The following ADGRB3 variants were observed in gnomAD, a reference collection of about 807,000 sequenced individuals.
The protein encoded by ADGRB3 is brain-specific angiogenesis inhibitor 3.
Under a neutral mutation model 193.4 loss-of-function variants are expected in ADGRB3, and 37 were observed. The ratio of observed to expected loss-of-function variants is 0.19; its 90% CI spans 0.15 to 0.25. The LOEUF (loss-of-function observed/expected upper bound fraction) is 0.25, where lower values mean the gene tolerates loss of function less well. ADGRB3 is among the 10% of genes least tolerant of loss of function. ADGRB3 has a pLI of 1.00. For synonymous variants in ADGRB3, 690 were observed against 644.2 expected (o/e 1.07, Z -1.08); for missense variants, 1,637 against 1,852.9 (o/e 0.88, Z 2.14).
chr6:69,300,150 C>T (rs1767918970), intron 20 of ADGRB3, among the ~76,000 whole-genome samples: 1 of 151,750 alleles, frequency 6.6e-6, no homozygotes, highest in South Asian at 2.1e-4. Context: ...TCCAGGGATA[C>T]AAAGATGGTT....
intron 16 of ADGRB3, among the ~76,000 whole-genome samples, chr6:69,069,366 G>A (rs774449971): frequency 6.6e-6 from 1 of 151,506 alleles, no homozygotes; most frequent in Non-Finnish European, 1.5e-5. Context: ...GGACTGTGAT[G>A]GATTTGACTG....
chr6:69,062,961 C>A lies in ADGRB3; in HGVS notation c.2361C>A (p.Ile787=). 1 of 1,611,624 alleles carries A rather than the reference C, an allele frequency of 6.2e-7. No individual in the cohort carries two copies. The highest frequency in any genetic ancestry group is 8.5e-7 in the Non-Finnish European group (1 of 1,178,406). The change falls in exon 16 of 32, where the codon ATC becomes ATA. Residue 787 remains isoleucine, a synonymous_variant. Coordinates refer to ENST00000370598, the MANE Select transcript of ADGRB3 (RefSeq NM_001704.3). ...ATTATACTGTCATTAATTCCAAAAT[C>A]ATCGTGGTCACAATAAGGCCTGAAC... ...LRNYTVINSK[I]IVVTIRPEPK... is the part of the protein sequence containing the mutation.
At chr6:69,262,900 C>T (rs1490284957) in intron 20 of ADGRB3, among the ~76,000 whole-genome samples, 1 of 151,764 alleles carries the variant, frequency 6.6e-6, no homozygotes, top group Non-Finnish European at 1.5e-5. Flanking sequence ...AAAACATATT[C>T]CCGTCCCATA....
At chr6:68,788,746 C>T (rs1337066367) in intron 3 of ADGRB3, among the ~76,000 whole-genome samples, 1 of 151,918 alleles carries the variant, frequency 6.6e-6, no homozygotes, top group Non-Finnish European at 1.5e-5. Flanking sequence ...CTAACGTTGA[C>T]AATGGGGTGT....
chr6:69,083,191 AT>A (rs1772438136), intron 17 of ADGRB3, among the ~76,000 whole-genome samples: 1 of 152,226 alleles, frequency 6.6e-6, no homozygotes, highest in African/African-American at 2.4e-5. Flanking sequence ...ATCTCACAGC[AT>A]GCCTGTAGAG....
Position 69,016,456 on chromosome 6 carries a change from A to G in ADGRB3, c.1999-1935A>G, listed in dbSNP as rs559067841. On this transcript the variant is annotated intron_variant, in intron 12 of 31. Coordinates refer to ENST00000370598, the MANE Select transcript of ADGRB3 (RefSeq NM_001704.3). ...TAACTAGTTCTGAAGAGAACTTAAG[A>G]GCACCCTTTGTCACGCATAATTCAT... 5.3e-5 allele frequency among the ~76,000 whole-genome samples: 8 copies of G among 152,062 alleles called. No homozygotes were observed. In the South Asian group the frequency reaches 1.4e-3, roughly 28 times the overall value.
At chr6:69,196,667 TC>T (rs1314059992) in intron 17 of ADGRB3, among the ~76,000 whole-genome samples, 2 of 152,094 alleles carry the variant, frequency 1.3e-5, no homozygotes, top group African/African-American at 4.8e-5. Context: ...AAATCTTATC[TC>T]CAAAATACAG....
At chr6:68,845,189 T>C (rs1331331895) in intron 3 of ADGRB3, among the ~76,000 whole-genome samples, 1 of 152,208 alleles carries the variant, frequency 6.6e-6, no homozygotes, top group Non-Finnish European at 1.5e-5. Flanking sequence ...TATTATACAC[T>C]GTATGCCTGT....
chr6:69,157,425 G>A (rs1774873012), intron 17 of ADGRB3, among the ~76,000 whole-genome samples: 1 of 152,080 alleles, frequency 6.6e-6, no homozygotes, highest in South Asian at 2.1e-4. Context: ...TTACTTGATG[G>A]TGATATTTCC....
At chr6:69,031,015 C>CTTT (rs55776177) in intron 13 of ADGRB3, among the ~76,000 whole-genome samples, 1 of 76,664 alleles carries the variant, frequency 1.3e-5, no homozygotes, top group African/African-American at 6.1e-5. Context: ...CTTTTCTTTT[C>CTTT]TTTTTTTTTT....
chr6:69,074,537 C>CTTTT (rs956596624), intron 16 of ADGRB3, among the ~76,000 whole-genome samples: 1 of 115,886 alleles, frequency 8.6e-6, no homozygotes, highest in Non-Finnish European at 1.8e-5. Context: ...CAGGACTGTA[C>CTTTT]TTTTTTTTTT....
intron 3 of ADGRB3, among the ~76,000 whole-genome samples, chr6:68,785,137 G>C (rs1024184606): frequency 2.6e-5 from 4 of 151,786 alleles, no homozygotes; most frequent in Non-Finnish European, 5.9e-5. Context: ...ATGTATGACT[G>C]ATTTTACTTT....
chr6:69,239,787 G>A (rs1481318478), intron 20 of ADGRB3, among the ~76,000 whole-genome samples: 1 of 151,952 alleles, frequency 6.6e-6, no homozygotes, highest in Non-Finnish European at 1.5e-5. Context: ...ATGGAAAAGT[G>A]TATTTTCTGT....
chr6:68,897,761 A>G (rs375669903), intron 3 of ADGRB3, among the ~76,000 whole-genome samples: 4 of 127,880 alleles, frequency 3.1e-5, no homozygotes, highest in Admixed American at 8.8e-5. Flanking sequence ...GAGGGAGGAA[A>G]AGGGAGGGAG....
intron 30 of ADGRB3, among the ~76,000 whole-genome samples, 187 bp from the exon 31 acceptor site, chr6:69,382,644 T>G (rs1204942129): frequency 6.6e-6 from 1 of 151,930 alleles, no homozygotes; most frequent in East Asian, 1.9e-4. Context: ...CAATTCTTAA[T>G]GTGTAAGAAG....
chr6:69,199,313 T>C (rs944834365), intron 17 of ADGRB3, among the ~76,000 whole-genome samples: 13 of 152,244 alleles, frequency 8.5e-5, no homozygotes, highest in African/African-American at 3.1e-4. Context: ...GCAGACTCTA[T>C]AAGCAGACTG....
chr6:69,198,483 A>G (rs181289570), intron 17 of ADGRB3, among the ~76,000 whole-genome samples: 1 of 152,218 alleles, frequency 6.6e-6, no homozygotes, highest in African/African-American at 2.4e-5. Context: ...TGTTTTGGAT[A>G]AGGTGATGGG....
chr6:69,142,602 A>C (rs1391854304), intron 17 of ADGRB3, among the ~76,000 whole-genome samples: 1 of 152,192 alleles, frequency 6.6e-6, no homozygotes, highest in African/African-American at 2.4e-5. Context: ...CTGAGGATGA[A>C]AAAGATTGCT....
At chr6:69,258,111 C>G (rs570851071) in intron 20 of ADGRB3, among the ~76,000 whole-genome samples, 1 of 152,150 alleles carries the variant, frequency 6.6e-6, no homozygotes, top group South Asian at 2.1e-4. Context: ...TATCTTTAAG[C>G]TCTGTTTTTC....
Sources: gnomAD v4.1 joint callset for allele counts (sites outside exome capture counted in the v4.1 genomes callset) on GRCh38, gnomAD v4.1.1 for gene constraint, MANE v1.5 for transcripts, NCBI Gene and HGNC (gene_info 2026-07-23, HGNC 2026-07-21) for gene names.